MYCBP2: variants seen among roughly 807,000 people sequenced by gnomAD.
The protein encoded by MYCBP2 is E3 ubiquitin-protein ligase MYCBP2.
MYCBP2 carries 120 observed loss-of-function variants against 525.3 expected under a neutral mutation model. That is an observed-to-expected ratio of 0.23 (90% CI 0.20 to 0.27). The LOEUF (loss-of-function observed/expected upper bound fraction) is 0.27, where lower values mean the gene tolerates loss of function less well. Among genes scored for constraint, MYCBP2 ranks in the 10% least tolerant of loss-of-function variants. MYCBP2 has a pLI of 1.00. For missense variants in MYCBP2, 4,149 were observed against 5,657.1 expected (o/e 0.73, Z 8.55); for synonymous variants, 1,894 against 1,955.8 (o/e 0.97, Z 0.83).
intron 55 of MYCBP2, among the ~76,000 whole-genome samples, chr13:77,115,554 T>G (rs910578115): frequency 6.6e-6 from 1 of 151,876 alleles, no homozygotes; most frequent in Non-Finnish European, 1.5e-5. Flanking sequence ...TTTGCTAATT[T>G]AAAAATTACC....
intron 48 of MYCBP2, among the ~76,000 whole-genome samples, chr13:77,145,918 T>A (rs1023685223): frequency 1.3e-5 from 2 of 151,842 alleles, no homozygotes; most frequent in African/African-American, 4.8e-5. Flanking sequence ...ATACTAGATA[T>A]CTACTTTACA....
chr13:77,113,798 A>G (rs1290930760), intron 55 of MYCBP2, among the ~76,000 whole-genome samples: 1 of 152,178 alleles, frequency 6.6e-6, no homozygotes, highest in African/African-American at 2.4e-5. Context: ...GCCCATGCCT[A>G]AAATGATTTG....
intron 49 of MYCBP2, among the ~76,000 whole-genome samples, 199 bp from the exon 50 acceptor site, chr13:77,141,142 T>C (rs1365569153): frequency 1.3e-5 from 2 of 152,172 alleles, no homozygotes; most frequent in Non-Finnish European, 1.5e-5. Context: ...TAAAGGAATG[T>C]CTCAGGATGT....
chr13:77,149,449 T>A (rs931392951), intron 47 of MYCBP2, among the ~76,000 whole-genome samples: 1 of 151,816 alleles, frequency 6.6e-6, no homozygotes, highest in Non-Finnish European at 1.5e-5. Context: ...TGAGACTCAG[T>A]GATATTGGTG....
Position 77,166,447 on chromosome 13 carries a change from A to G in MYCBP2, c.6222T>C (p.Val2074=), listed in dbSNP as rs3752990. Residue 2074 remains valine, a synonymous_variant, in exon 41 of 83, where the codon GTT becomes GTC. Transcript: ENST00000544440. ...ATTTTGGTCCATATCCTGAATTCTG[A>G]ACAGTTCTGACAGGAATCAACAAAC... ...VLRLLIPVRT[V]QNSGYGPKLT... is the part of the protein sequence containing the mutation. The G allele has an allele frequency of 6.8e-6, 11 of 1,614,044 alleles. No homozygotes were observed. In the East Asian group the frequency reaches 2.5e-4, roughly 36 times the overall value.
chr13:77,121,476 C>T lies in MYCBP2; in HGVS notation c.8037G>A (p.Gln2679=). 6.3e-7 allele frequency: 1 copy of T among 1,583,024 alleles called. No homozygotes were observed. The highest frequency in any genetic ancestry group is 8.6e-7 in the Non-Finnish European group (1 of 1,159,672). ...RHEDEQALLD[Q]NSQTPPPSPF... is the part of the protein sequence containing the mutation. ...GGCTTGGAGGAGGAGTTTGAGAATTCTGATCCAGAAGAGCTTGTTCTACAA... is the reference window on the plus strand; with the variant it reads ...GGCTTGGAGGAGGAGTTTGAGAATTTTGATCCAGAAGAGCTTGTTCTACAA... Residue 2679 remains glutamine (Q), a synonymous_variant, in exon 55 of 83, where the codon CAG becomes CAA. Coordinates refer to ENST00000544440, the MANE Select transcript of MYCBP2 (RefSeq NM_015057.5).
At chr13:77,308,765 T>G (rs947690209) in intron 1 of MYCBP2, among the ~76,000 whole-genome samples, 2 of 152,222 alleles carry the variant, frequency 1.3e-5, no homozygotes, top group Non-Finnish European at 1.5e-5. Flanking sequence ...GGACATATTA[T>G]GAAGCCAGTT....
intron 52 of MYCBP2, among the ~76,000 whole-genome samples, chr13:77,128,054 C>A (rs1336111193): frequency 6.6e-6 from 1 of 151,632 alleles, no homozygotes; most frequent in Non-Finnish European, 1.5e-5. Flanking sequence ...AGATTTACAA[C>A]CGAAAATAAA....
chr13:77,280,447 A>G (rs534183936), intron 3 of MYCBP2, among the ~76,000 whole-genome samples: 1 of 152,368 alleles, frequency 6.6e-6, no homozygotes, highest in African/African-American at 2.4e-5. Context: ...AAAGATCTCC[A>G]GAGTACAAAA....
chr13:77,301,181 G>A (rs138653964), intron 1 of MYCBP2, among the ~76,000 whole-genome samples: 3,064 of 152,148 alleles, frequency 0.02, 57 homozygotes, highest in Middle Eastern at 0.075. Flanking sequence ...TTGGGAAGCT[G>A]AGGCGGGCAG....
rs1020453216 is a variant in MYCBP2, at chr13:77,233,522, T to G, written c.2630-259A>C. Among the ~76,000 whole-genome samples the G allele has an allele frequency of 3.3e-5, 5 of 151,606 alleles. No individual in the cohort carries two copies. In the South Asian group the frequency reaches 1.0e-3, roughly 32 times the overall value. On this transcript the variant is annotated intron_variant, in intron 17 of 82. Transcript: ENST00000544440. ...GTATACTCATAAAATTATTGTGTAG[T>G]TACTAATAGTCTCAAATAGATAATC...
At position 77,181,838 on chromosome 13, in the gene MYCBP2, G is replaced by A; in HGVS notation, c.4804C>T (p.Leu1602=). ...TACGCAATCGGGAAGATGGAAGTCA[G>A]CTTAACAGACGTGTGACACAGAGCT... is the stretch of plus-strand genomic sequence containing the variant. ...MSALCHTSVK[L]TSIFPIAYDG... is the part of the protein sequence containing the mutation. Residue 1602 remains leucine, a synonymous_variant, in exon 33 of 83, where the codon CTG becomes TTG. Transcript: ENST00000544440. The A allele has an allele frequency of 6.2e-7, 1 of 1,614,060 alleles. No individual in the cohort carries two copies. The highest frequency in any genetic ancestry group is 1.1e-5 in the South Asian group (1 of 91,078).
chr13:77,235,434 G>C (rs906416358), intron 17 of MYCBP2, among the ~76,000 whole-genome samples: 3 of 152,048 alleles, frequency 2.0e-5, no homozygotes, highest in Non-Finnish European at 2.9e-5. Flanking sequence ...ATATTGTATA[G>C]TCATTAAAAA....
chr13:77,164,420 C>T (rs765871357), intron 43 of MYCBP2, 34 bp downstream of exon 43: 1 of 1,408,780 alleles, frequency 7.1e-7, no homozygotes, highest in South Asian at 1.2e-5. Context: ...AAACAAAACC[C>T]TATCAAAAAA....
chr13:77,223,103 T>C (rs2065816982), intron 20 of MYCBP2, among the ~76,000 whole-genome samples: 1 of 152,172 alleles, frequency 6.6e-6, no homozygotes, highest in Non-Finnish European at 1.5e-5. Flanking sequence ...CACTCAGATC[T>C]CCTTCAAGAC....
In MYCBP2 at chr13:77,056,767, A is replaced by C. The variant is rs1394269947; in HGVS notation, c.13437+219T>G. Reference sequence around the variant, plus strand: ...GTTTAAATGAACTTTCTCATGTAATATGTTTAACAGAATGTAATCAGTTTT... The same window carrying C: ...GTTTAAATGAACTTTCTCATGTAATCTGTTTAACAGAATGTAATCAGTTTT... On this transcript the variant is annotated intron_variant, in intron 79 of 82. Transcript: ENST00000544440. Among the ~76,000 whole-genome samples the C allele has an allele frequency of 2.6e-5, 4 of 152,214 alleles. No homozygotes were observed. In the East Asian group the frequency reaches 7.7e-4, roughly 29 times the overall value.
intron 68 of MYCBP2, among the ~76,000 whole-genome samples, chr13:77,072,132 AT>A (rs1008554099): frequency 1.2e-3 from 185 of 152,016 alleles, no homozygotes; most frequent in African/African-American, 4.2e-3. Flanking sequence ...ACTAAAAAAA[AT>A]ACAAAAAATT....
At chr13:77,231,892 T>C (rs1412245513) in intron 18 of MYCBP2, among the ~76,000 whole-genome samples, 2 of 152,264 alleles carry the variant, frequency 1.3e-5, no homozygotes, top group Admixed American at 6.5e-5. Flanking sequence ...CTTATATATG[T>C]ATCTTTTCTT....
intron 3 of MYCBP2, among the ~76,000 whole-genome samples, chr13:77,283,402 C>T (rs577620803): frequency 6.4e-4 from 97 of 152,252 alleles, no homozygotes; most frequent in Non-Finnish European, 1.2e-3. Context: ...CTTATCCCTA[C>T]AAGACAATGC....
Sources: gnomAD v4.1 joint callset for allele counts (sites outside exome capture counted in the v4.1 genomes callset) on GRCh38, gnomAD v4.1.1 for gene constraint, MANE v1.5 for transcripts, NCBI Gene and HGNC (gene_info 2026-07-23, HGNC 2026-07-21) for gene names.